UBAC2: variants seen among roughly 807,000 people sequenced by gnomAD.
UBAC2 encodes the protein ubiquitin-associated domain-containing protein 2.
UBAC2 carries 26 observed loss-of-function variants against 44.0 expected under a neutral mutation model. That is an observed-to-expected ratio of 0.59 (90% CI 0.43 to 0.82). The LOEUF (loss-of-function observed/expected upper bound fraction) is 0.82, where lower values mean the gene tolerates loss of function less well. UBAC2 is among the 40% of genes least tolerant of loss of function. The probability of loss-of-function intolerance (pLI) is 0.00; values close to 1 mark genes in which losing one functional copy is unlikely to be tolerated. For synonymous variants in UBAC2, 155 were observed against 154.3 expected, an observed-to-expected ratio of 1.00 and a Z score of -0.04; for missense variants, 329 against 419.4, an observed-to-expected ratio of 0.78 and a Z score of 1.88.
chr13:99,249,931 G>T (rs1182415853), intron 4 of UBAC2, among the ~76,000 whole-genome samples: 1 of 151,996 alleles, frequency 6.6e-6, no homozygotes. Flanking sequence ...TGTGCTTGTT[G>T]AATCAAGTTC....
chr13:99,297,017 G>A (rs987711382), intron 4 of UBAC2, among the ~76,000 whole-genome samples: 10 of 152,034 alleles, frequency 6.6e-5, no homozygotes, highest in Non-Finnish European at 1.5e-4. Context: ...GTATATATTT[G>A]TCGTGTATAT....
intron 7 of UBAC2, among the ~76,000 whole-genome samples, chr13:99,357,363 A>G (rs2045202345): frequency 6.6e-6 from 1 of 152,224 alleles, no homozygotes; most frequent in Non-Finnish European, 1.5e-5. Flanking sequence ...GTCTAACAAG[A>G]TGCCTCTCGT....
At chr13:99,213,359 A>G (rs2042955764) in intron 1 of UBAC2, among the ~76,000 whole-genome samples, 1 of 151,446 alleles carries the variant, frequency 6.6e-6, no homozygotes, top group African/African-American at 2.4e-5. Context: ...CCTATCCATA[A>G]CTTTTTTTTT....
At chr13:99,354,968 A>G (rs2045155031) in intron 7 of UBAC2, among the ~76,000 whole-genome samples, 1 of 152,196 alleles carries the variant, frequency 6.6e-6, no homozygotes, top group African/African-American at 2.4e-5. Flanking sequence ...CTGAGTCCAG[A>G]CATGAGCTGG....
At chr13:99,238,980 C>T (rs1052111570) in intron 2 of UBAC2, among the ~76,000 whole-genome samples, 18 of 152,132 alleles carry the variant, frequency 1.2e-4, no homozygotes, top group African/African-American at 2.9e-4. Context: ...GGTGGTTAAA[C>T]GAAGTAAGAA....
intron 7 of UBAC2, among the ~76,000 whole-genome samples, chr13:99,345,542 C>T (rs778024374): frequency 4.6e-5 from 7 of 152,030 alleles, no homozygotes; most frequent in Non-Finnish European, 1.0e-4. Context: ...GAGCTTTTCA[C>T]GTTAGACACC....
chr13:99,235,237 T>C (rs1053720052), intron 1 of UBAC2, among the ~76,000 whole-genome samples: 1 of 152,132 alleles, frequency 6.6e-6, no homozygotes, highest in African/African-American at 2.4e-5. Context: ...ATGTGCAATA[T>C]ATGTGCAAGG....
At chr13:99,354,636 C>T (rs910445327) in intron 7 of UBAC2, among the ~76,000 whole-genome samples, 4 of 151,534 alleles carry the variant, frequency 2.6e-5, no homozygotes, top group Admixed American at 2.6e-4. Context: ...CAGTTTGAGC[C>T]GACATAGTAA....
At chr13:99,352,019 TTC>T (rs1178001629) in intron 7 of UBAC2, among the ~76,000 whole-genome samples, 5 of 152,224 alleles carry the variant, frequency 3.3e-5, no homozygotes, top group Non-Finnish European at 7.4e-5. Flanking sequence ...TGAAAATTGT[TTC>T]TCTCTTTATC....
chr13:99,297,874 T>G (rs2044200063), intron 4 of UBAC2, among the ~76,000 whole-genome samples: 1 of 150,842 alleles, frequency 6.6e-6, no homozygotes, highest in Non-Finnish European at 1.5e-5. Flanking sequence ...TAAAGAAAGG[T>G]TGAGAATAAA....
intron 4 of UBAC2, among the ~76,000 whole-genome samples, chr13:99,285,217 T>TGCTTTTGCATTC (rs1484218899): frequency 2.0e-5 from 3 of 152,162 alleles, no homozygotes; most frequent in Non-Finnish European, 4.4e-5. Context: ...CTTTTACATT[T>TGCTTTTGCATTC]GCTTTTGCAT....
chr13:99,255,269 T>A (rs774635906), intron 4 of UBAC2: 1 of 1,614,080 alleles, frequency 6.2e-7, no homozygotes, highest in Non-Finnish European at 8.5e-7. Flanking sequence ...CCAATCATGA[T>A]GAACAAAGGA....
chr13:99,302,447 C>T (rs1205350441), intron 4 of UBAC2, among the ~76,000 whole-genome samples: 1 of 152,170 alleles, frequency 6.6e-6, no homozygotes, highest in African/African-American at 2.4e-5. Flanking sequence ...CAAACCTGCT[C>T]CAGGGAAGAA....
chr13:99,223,619 A>AT (rs1225969663), intron 1 of UBAC2, among the ~76,000 whole-genome samples: 1 of 124,658 alleles, frequency 8.0e-6, no homozygotes, highest in Non-Finnish European at 1.6e-5. Flanking sequence ...TAATATAAGC[A>AT]TTTTTATGCT....
At chr13:99,327,306 A>G (rs987204158) in intron 6 of UBAC2, among the ~76,000 whole-genome samples, 18 of 152,248 alleles carry the variant, frequency 1.2e-4, no homozygotes, top group Non-Finnish European at 2.5e-4. Flanking sequence ...TTGCCAAGAA[A>G]CACCCGTACT....
intron 3 of UBAC2, 114 bp downstream of exon 3, chr13:99,244,065 C>A: frequency 1.1e-6 from 1 of 883,940 alleles, no homozygotes; most frequent in Non-Finnish European, 1.6e-6. Flanking sequence ...TTTTTAATTA[C>A]ACTATTCTGT....
intron 4 of UBAC2, among the ~76,000 whole-genome samples, chr13:99,247,807 C>T (rs2043406233): frequency 6.6e-6 from 1 of 152,044 alleles, no homozygotes; most frequent in Admixed American, 6.6e-5. Context: ...ATTTTTCTTT[C>T]CCATCAGTAC....
At chr13:99,222,292 G>A (rs2043059920) in intron 1 of UBAC2, among the ~76,000 whole-genome samples, 2 of 152,198 alleles carry the variant, frequency 1.3e-5, no homozygotes, top group Admixed American at 6.5e-5. Flanking sequence ...CTCTGAGGAG[G>A]TGCTCTTAGA....
At chr13:99,308,457 A>G (rs560089024) in intron 4 of UBAC2, among the ~76,000 whole-genome samples, 12 of 152,358 alleles carry the variant, frequency 7.9e-5, no homozygotes, top group African/African-American at 2.9e-4. Flanking sequence ...AAGTTACTGG[A>G]CATAGCTTTT....
Sources: gnomAD v4.1 joint callset for allele counts (sites outside exome capture counted in the v4.1 genomes callset) on GRCh38, gnomAD v4.1.1 for gene constraint, MANE v1.5 for transcripts, NCBI Gene and HGNC (gene_info 2026-07-23, HGNC 2026-07-21) for gene names.